The following POU2F2 variants were observed in gnomAD, a reference collection of about 807,000 sequenced individuals.
POU2F2 encodes POU domain, class 2, transcription factor 2.
POU2F2 carries 14 observed loss-of-function variants against 63.5 expected under a neutral mutation model. The observed-to-expected ratio is 0.22, with a 90% CI of 0.15 to 0.34. The LOEUF is 0.34. POU2F2 is among the 10% of genes least tolerant of loss of function. The pLI is 1.00. For missense variants in POU2F2, 607 were observed against 815.2 expected (o/e 0.74, Z 3.11); for synonymous variants, 306 against 348.6 (o/e 0.88, Z 1.36).
intron 7 of POU2F2, among the ~76,000 whole-genome samples, chr19:42,097,201 T>TC (rs1568983335): frequency 6.7e-6 from 1 of 149,956 alleles, no homozygotes; most frequent in East Asian, 1.9e-4. Flanking sequence ...AGTTTTTTTT[T>TC]TTTTTTTTTT....
intron 1 of POU2F2, among the ~76,000 whole-genome samples, chr19:42,130,570 G>A (rs1056714277): frequency 6.6e-6 from 1 of 152,026 alleles, no homozygotes; most frequent in Non-Finnish European, 1.5e-5. Context: ...TAACCCCAGA[G>A]AGGAACGAGT....
At chr19:42,121,823 T>G (rs1600118971) in intron 4 of POU2F2, among the ~76,000 whole-genome samples, 1 of 151,866 alleles carries the variant, frequency 6.6e-6, no homozygotes, top group Admixed American at 6.6e-5. Flanking sequence ...GGACAGGCGG[T>G]GGTGCAGGCC....
chr19:42,102,545 C>T (rs2077181952), intron 5 of POU2F2, among the ~76,000 whole-genome samples: 1 of 151,660 alleles, frequency 6.6e-6, no homozygotes, highest in South Asian at 2.1e-4. Flanking sequence ...CTGCTTGAGG[C>T]CAGGAGTTCA....
chr19:42,178,295 G>C (rs1163956015), upstream of POU2F2, among the ~76,000 whole-genome samples: 1 of 152,042 alleles, frequency 6.6e-6, no homozygotes, highest in East Asian at 1.9e-4. Flanking sequence ...TAGACACACA[G>C]AGACAGAGAG....
At chr19:42,154,769 C>A (rs1169625771) in intron 2 of POU2F2, among the ~76,000 whole-genome samples, 2 of 152,072 alleles carry the variant, frequency 1.3e-5, no homozygotes, top group Non-Finnish European at 2.9e-5. Flanking sequence ...CTCTCACACA[C>A]ACACACACAC....
At chr19:42,123,504 A>G (rs375421667) in intron 1 of POU2F2, among the ~76,000 whole-genome samples, 1 of 152,300 alleles carries the variant, frequency 6.6e-6, no homozygotes, top group East Asian at 1.9e-4. Flanking sequence ...CTCACAGCTC[A>G]CATTAGCGGT....
At chr19:42,195,540 C>CCTAGGATGGTCTTGATCTCCTGA (rs1320307031) in intron 1 of POU2F2, among the ~76,000 whole-genome samples, 1 of 151,674 alleles carries the variant, frequency 6.6e-6, no homozygotes, top group Non-Finnish European at 1.5e-5. Flanking sequence ...CCCAGTATTA[C>CCTAGGATGGTCTTGATCTCCTGA]CTAGGATGGT....
chr19:42,132,509 C>T, upstream of POU2F2: 1 of 1,207,852 alleles, frequency 8.3e-7, no homozygotes, highest in South Asian at 1.9e-5. Flanking sequence ...AGGGAGGAAA[C>T]CACAGGGCCG....
chr19:42,187,116 G>A (rs562292232), intron 1 of POU2F2, among the ~76,000 whole-genome samples: 3 of 152,174 alleles, frequency 2.0e-5, no homozygotes, highest in Non-Finnish European at 2.9e-5. Flanking sequence ...AGAATACGCC[G>A]AATGTGAAGA....
At chr19:42,180,126 A>G (rs1231414339), upstream of POU2F2, among the ~76,000 whole-genome samples, 1 of 152,200 alleles carries the variant, frequency 6.6e-6, no homozygotes, top group East Asian at 1.9e-4. Context: ...ACCACCCCAT[A>G]GCCACCTACC....
intron 4 of POU2F2, among the ~76,000 whole-genome samples, chr19:42,119,822 T>G (rs2032377964): frequency 6.6e-6 from 1 of 152,212 alleles, no homozygotes; most frequent in Non-Finnish European, 1.5e-5. Flanking sequence ...ACTATTCCCT[T>G]TTCAGTGCTT....
intron 1 of POU2F2, among the ~76,000 whole-genome samples, chr19:42,170,723 A>G (rs2034745532): frequency 6.6e-6 from 1 of 152,252 alleles, no homozygotes. Context: ...ACATGCACAC[A>G]TACAAAGACC....
chr19:42,188,513 A>C (rs1409894420), intron 1 of POU2F2, among the ~76,000 whole-genome samples: 1 of 151,544 alleles, frequency 6.6e-6, no homozygotes, highest in Non-Finnish European at 1.5e-5. Context: ...TCTACTAAAA[A>C]TACAAAAATT....
At chr19:42,137,929 A>G (rs548509739) in intron 2 of POU2F2, among the ~76,000 whole-genome samples, 3 of 152,358 alleles carry the variant, frequency 2.0e-5, no homozygotes, top group South Asian at 4.1e-4. Context: ...AAGGAGGCCT[A>G]TAGAGCTGGA....
chr19:42,092,322 C>CCTCAG lies in POU2F2; in HGVS notation c.1265-53_1265-52insCTGAG. On this transcript the variant is annotated intron_variant, in intron 12 of 14. Transcript: ENST00000692977. This position sits in a 1 kb window ranked among gnomAD's most constrained non-coding sequence, Gnocchi z 5.0. ...GTCTTCAGCTTCCACTCGTCCCCCA[C>CCTCAG]TGAGGAACCTGGGGTCAGCTCCTAC... 1 of 1,369,258 alleles carries CCTCAG rather than the reference C, an allele frequency of 7.3e-7. No individual in the cohort carries two copies. The highest frequency in any genetic ancestry group is 1.0e-6 in the Non-Finnish European group (1 of 981,798). The allele number at this position is 1,369,258 out of a possible 1,614,324, so 84.8% of individuals were successfully genotyped here. A position where few individuals can be genotyped will look rare whatever the true frequency, so the allele number is the denominator to read the frequency against.
At chr19:42,176,215 C>T (rs2034875617), upstream of POU2F2, among the ~76,000 whole-genome samples, 1 of 152,200 alleles carries the variant, frequency 6.6e-6, no homozygotes, top group Admixed American at 6.5e-5. Context: ...TCCGAAGCGC[C>T]GCAGCCAGCC....
intron 1 of POU2F2, among the ~76,000 whole-genome samples, chr19:42,187,235 G>A (rs1214249009): frequency 4.0e-5 from 6 of 151,830 alleles, no homozygotes; most frequent in African/African-American, 7.3e-5. Context: ...AGGCCGAGGC[G>A]GGCGGATCAC....
chr19:42,111,630 C>T (rs1027820051), intron 5 of POU2F2, among the ~76,000 whole-genome samples: 1 of 152,160 alleles, frequency 6.6e-6, no homozygotes, highest in Admixed American at 6.5e-5. Context: ...CAGGAAACCA[C>T]GTCATTACCA....
chr19:42,114,436 C>T (rs1568376051), intron 5 of POU2F2, among the ~76,000 whole-genome samples: 1 of 152,094 alleles, frequency 6.6e-6, no homozygotes, highest in Non-Finnish European at 1.5e-5. Context: ...GAGCAGACTT[C>T]CCGGGAAAAG....
Sources: allele counts gnomAD v4.1 joint callset (sites outside exome capture counted in the v4.1 genomes callset), GRCh38; gene constraint gnomAD v4.1.1; non-coding constraint Gnocchi (gnomAD v3.1); transcripts MANE v1.5; gene names NCBI Gene and HGNC (gene_info 2026-07-23, HGNC 2026-07-21).